Variants in TBCK observed in about 807,000 individuals in gnomAD.
TBCK encodes the protein TBC domain-containing protein kinase-like protein.
A neutral mutation model predicts 113.4 loss-of-function variants in TBCK; 99 were observed. The ratio of observed to expected loss-of-function variants is 0.87; its 90% CI spans 0.74 to 1.03. The LOEUF (loss-of-function observed/expected upper bound fraction) is 1.03. Among genes scored for constraint, TBCK ranks in the 50% least tolerant of loss-of-function variants. TBCK has a pLI of 0.00. For missense variants in TBCK, 1,045 were observed against 1,061.3 expected (o/e 0.98, Z 0.21); for synonymous variants, 369 against 370.8 (o/e 1.00, Z 0.05).
In TBCK at chr4:106,232,957, A is replaced by C; in HGVS notation, c.1620T>G (p.Pro540=). The C allele has an allele frequency of 6.2e-7, 1 of 1,611,472 alleles. No individual in the cohort carries two copies. Among genetic ancestry groups the C allele is most frequent in the Non-Finnish European group, 8.5e-7 (1 of 1,178,362 alleles). The change falls in exon 17 of 26, where the codon CCT becomes CCG. Residue 540 remains proline (P), a synonymous_variant. Transcript: ENST00000394708. ...RVLKAWVVSH[P]DLVYWQGLDS... ...AGTTACCTTGCCAATACACAAGATC[A>C]GGATGAGACACTACCCAGGCTTTTA...
rs1042910838 is a variant in TBCK, at chr4:106,140,407, A to G, written c.2236-24029T>C. On this transcript the variant is annotated intron_variant, in intron 23 of 25. Transcript: ENST00000394708. ...ATTCTATTGCAAAACCAGATGATAA[A>G]TTTATTGGTTAAAACACATGAGGCT... 2.8e-5 allele frequency among the ~76,000 whole-genome samples: 4 copies of G among 141,276 alleles called. 1 individual carries two copies. Among genetic ancestry groups the G allele is most frequent in the Non-Finnish European group, 4.8e-5 (3 of 62,128 alleles). The allele number at this position is 141,276 out of a possible 152,430, so 92.7% of individuals were successfully genotyped here.
intron 2 of TBCK, among the ~76,000 whole-genome samples, chr4:106,299,087 G>A (rs756404277): frequency 6.6e-5 from 10 of 152,182 alleles, no homozygotes; most frequent in Non-Finnish European, 1.5e-4. Context: ...GTTGCACACA[G>A]GTGCATCACA....
intron 20 of TBCK, 86 bp from the exon 21 acceptor site, chr4:106,194,840 A>ATC: frequency 8.3e-7 from 1 of 1,199,468 alleles, no homozygotes; most frequent in Non-Finnish European, 1.2e-6. Context: ...CTAAATGGTA[A>ATC]ATGTAAGTTC....
chr4:106,247,371 A>G lies in TBCK; in HGVS notation c.783-84T>C, dbSNP rs73838174. ...ATGGCATACATTCAAGAGAATGGAT[A>G]AAAGTCTTAAATACCTCATTAGCAC... On this transcript the variant is annotated intron_variant, in intron 9 of 25. Coordinates refer to ENST00000394708, the MANE Select transcript of TBCK (RefSeq NM_001163435.3). 5,028 of 1,299,926 alleles carry G rather than the reference A, an allele frequency of 3.9e-3. 130 individuals carry two copies. In the African/African-American group the frequency reaches 0.061, roughly 16 times the overall value. The allele number at this position is 1,299,926 out of a possible 1,614,324, so 80.5% of individuals were successfully genotyped here.
chr4:106,078,207 T>C (rs191963318), intron 25 of TBCK, among the ~76,000 whole-genome samples: 2 of 152,222 alleles, frequency 1.3e-5, no homozygotes, highest in Non-Finnish European at 2.9e-5. Flanking sequence ...ATTAACAATC[T>C]TGCATTATAC....
intron 2 of TBCK, among the ~76,000 whole-genome samples, chr4:106,307,926 C>G (rs779724010): frequency 2.1e-4 from 32 of 151,962 alleles, no homozygotes; most frequent in Admixed American, 1.6e-3. Context: ...ATTCAGTTCT[C>G]TAAATGGGCT....
At chr4:106,111,733 T>A (rs958444954) in intron 24 of TBCK, among the ~76,000 whole-genome samples, 7 of 152,248 alleles carry the variant, frequency 4.6e-5, no homozygotes, top group Admixed American at 1.3e-4. Context: ...AAAGTACAGA[T>A]GTCTTTCTCC....
intron 25 of TBCK, among the ~76,000 whole-genome samples, chr4:106,087,814 T>C (rs1420703686): frequency 6.6e-6 from 1 of 152,180 alleles, no homozygotes; most frequent in African/African-American, 2.4e-5. Flanking sequence ...AACCATCTGA[T>C]CTTCAACAAA....
intron 19 of TBCK, among the ~76,000 whole-genome samples, chr4:106,224,980 C>T (rs1248135191): frequency 6.6e-6 from 1 of 152,138 alleles, no homozygotes. Context: ...AGTATGTATA[C>T]TTGTCTCCTA....
intron 3 of TBCK, among the ~76,000 whole-genome samples, chr4:106,262,645 A>G (rs1375739968): frequency 6.6e-6 from 1 of 152,084 alleles, no homozygotes; most frequent in Admixed American, 6.6e-5. Flanking sequence ...ATTTTATGGT[A>G]TACAAACACT....
rs577040045 is a variant in TBCK, at chr4:106,290,896, A to G, written c.266+4198T>C. On this transcript the variant is annotated intron_variant, in intron 3 of 25. Coordinates refer to ENST00000394708, the MANE Select transcript of TBCK (RefSeq NM_001163435.3). ...GTGATCAGGGTTGCGGGCTCCTTATAAGAATCTAACGCCTGATCATCTGAG... is the reference window on the plus strand; with the variant it reads ...GTGATCAGGGTTGCGGGCTCCTTATGAGAATCTAACGCCTGATCATCTGAG... Among the ~76,000 whole-genome samples, 21 of 152,334 alleles carry G rather than the reference A, an allele frequency of 1.4e-4. 1 individual carries two copies. Among genetic ancestry groups the G allele is most frequent in the South Asian group, 1.2e-3 (6 of 4,824 alleles).
intron 25 of TBCK, among the ~76,000 whole-genome samples, chr4:106,051,822 T>C (rs1319330209): frequency 6.6e-6 from 1 of 151,864 alleles, no homozygotes; most frequent in Non-Finnish European, 1.5e-5. Context: ...GTTCCAATTA[T>C]TTAAGAAATT....
chr4:106,247,441 T>C, intron 9 of TBCK, 154 bp from the exon 10 acceptor site: 1 of 614,244 alleles, frequency 1.6e-6, no homozygotes, highest in Non-Finnish European at 2.7e-6. Context: ...ATGCATACTT[T>C]TATATTATAA....
At chr4:106,135,285 T>C (rs1746424930) in intron 23 of TBCK, among the ~76,000 whole-genome samples, 1 of 151,826 alleles carries the variant, frequency 6.6e-6, no homozygotes, top group Non-Finnish European at 1.5e-5. Context: ...CTCATTTAAG[T>C]CTTACAATAA....
intron 25 of TBCK, among the ~76,000 whole-genome samples, chr4:106,059,375 C>T (rs562172274): frequency 6.6e-6 from 1 of 151,856 alleles, no homozygotes; most frequent in Admixed American, 6.6e-5. Flanking sequence ...ACCATTTTTA[C>T]AATAGCATGT....
At chr4:106,258,786 T>G (rs907982430) in intron 5 of TBCK, among the ~76,000 whole-genome samples, 1 of 151,950 alleles carries the variant, frequency 6.6e-6, no homozygotes, top group African/African-American at 2.4e-5. Flanking sequence ...AAGGCATTTA[T>G]CATACATGAC....
chr4:106,136,392 A>G (rs1335562614), intron 23 of TBCK, among the ~76,000 whole-genome samples: 1 of 141,344 alleles, frequency 7.1e-6, no homozygotes, highest in African/African-American at 2.5e-5. Flanking sequence ...GGAGTAGTTC[A>G]TTTGGCCAGA....
intron 19 of TBCK, among the ~76,000 whole-genome samples, chr4:106,221,551 A>T (rs1757679069): frequency 6.6e-6 from 1 of 152,126 alleles, no homozygotes; most frequent in Non-Finnish European, 1.5e-5. Flanking sequence ...AATCTGCACT[A>T]TGTAATATTC....
At chr4:106,286,664 C>T (rs1057242306) in intron 3 of TBCK, among the ~76,000 whole-genome samples, 1 of 151,784 alleles carries the variant, frequency 6.6e-6, no homozygotes, top group African/African-American at 2.4e-5. Context: ...CCTGTATATA[C>T]AAAAAATAAA....
Sources: gnomAD v4.1 joint callset for allele counts (sites outside exome capture counted in the v4.1 genomes callset) on GRCh38, gnomAD v4.1.1 for gene constraint, MANE v1.5 for transcripts, NCBI Gene and HGNC (gene_info 2026-07-23, HGNC 2026-07-21) for gene names.